The following CLIP1 variants were observed in gnomAD, a reference collection of about 807,000 sequenced individuals.
The protein encoded by CLIP1 is CAP-Gly domain-containing linker protein 1.
In CLIP1, 66 loss-of-function variants were observed where a neutral mutation model predicts 161.6. The observed-to-expected ratio is 0.41, with a 90% confidence interval of 0.33 to 0.50. CLIP1 has a LOEUF of 0.50. Ranked by LOEUF, CLIP1 falls within the 20% of genes least tolerant of loss-of-function variation. The pLI is 0.27. For missense variants in CLIP1, 1,376 were observed against 1,702.0 expected (o/e 0.81, Z 3.37); for synonymous variants, 598 against 626.2 (o/e 0.96, Z 0.67).
intron 9 of CLIP1, 104 bp downstream of exon 9, chr12:122,351,007 G>A: frequency 1.2e-6 from 1 of 819,124 alleles, no homozygotes; most frequent in South Asian, 1.8e-5. Context: ...AATGTCCCAA[G>A]GTCAGATTAT....
chr12:122,366,294 G>T (rs1375377645), intron 3 of CLIP1, among the ~76,000 whole-genome samples: 1 of 140,614 alleles, frequency 7.1e-6, no homozygotes, highest in Non-Finnish European at 1.5e-5. Context: ...GCGACAGGGA[G>T]AGACTCTGTC....
intron 1 of CLIP1, among the ~76,000 whole-genome samples, chr12:122,397,971 AAAAG>A (rs1201443124): frequency 1.3e-5 from 2 of 151,390 alleles, no homozygotes; most frequent in Admixed American, 6.6e-5. Flanking sequence ...AAACAAAAAA[AAAAG>A]AAAATTAACT....
intron 17 of CLIP1, among the ~76,000 whole-genome samples, chr12:122,325,994 T>C (rs1009197709): frequency 5.9e-5 from 9 of 152,218 alleles, no homozygotes; most frequent in South Asian, 2.1e-4. Context: ...TGGTGGCTAC[T>C]ACATTAGGCA....
chr12:122,399,884 A>G (rs1365460038), intron 1 of CLIP1: 2 of 152,206 alleles, frequency 1.3e-5, no homozygotes, highest in African/African-American at 4.8e-5. Context: ...ACGTTCTGAG[A>G]GCAACGGAAA....
intron 7 of CLIP1, among the ~76,000 whole-genome samples, chr12:122,353,906 C>T (rs1023823406): frequency 1.3e-5 from 2 of 151,558 alleles, no homozygotes; most frequent in Non-Finnish European, 2.9e-5. Flanking sequence ...GCTGGGATTA[C>T]AGGCGTGAGT....
At chr12:122,415,442 A>T (rs1406101823) in intron 1 of CLIP1, among the ~76,000 whole-genome samples, 2 of 148,454 alleles carry the variant, frequency 1.3e-5, no homozygotes, top group African/African-American at 5.0e-5. Flanking sequence ...AGATGGCGCC[A>T]CTGCACTCCA....
Position 122,341,598 on chromosome 12 carries a change from T to G in CLIP1, c.1606A>C (p.Asn536His), listed in dbSNP as rs1426645969. 4 of 1,613,882 alleles carry G rather than the reference T, an allele frequency of 2.5e-6. No homozygotes were observed. In the East Asian group the frequency reaches 8.9e-5, roughly 36 times the overall value. ...ATGTCCACATCCCCAGCAGGCTTAT[T>G]GGACTCTAGCCTTCTTCGGAGCTCA... ...VAELRRRLES[N>H]KPAGDVDMSL... is the part of the protein sequence containing the mutation. The change falls in exon 11 of 26, where the codon AAT becomes CAT. Residue 536 changes from asparagine to histidine, a missense_variant. This residue lies in a region of CLIP1 where 948 missense variants were observed against 1,134.8 expected (regional missense o/e 0.84). Transcript: ENST00000620786.
At chr12:122,319,170 C>T in intron 18 of CLIP1, 62 bp downstream of exon 18, 1 of 1,157,662 alleles carries the variant, frequency 8.6e-7, no homozygotes, top group Non-Finnish European at 1.3e-6. Flanking sequence ...GAGTCAGTGA[C>T]CAAACATTCT....
At chr12:122,336,163 A>G (rs1952205891) in intron 12 of CLIP1, among the ~76,000 whole-genome samples, 1 of 152,214 alleles carries the variant, frequency 6.6e-6, no homozygotes, top group Non-Finnish European at 1.5e-5. Flanking sequence ...GAATAAACTG[A>G]GTTAGATTTA....
At chr12:122,329,106 C>A (rs1055998677) in intron 15 of CLIP1, among the ~76,000 whole-genome samples, 1 of 152,062 alleles carries the variant, frequency 6.6e-6, no homozygotes, top group Non-Finnish European at 1.5e-5. Flanking sequence ...GAGATGAGAT[C>A]ATTTAAGTTC....
rs779170505 is a variant in CLIP1, at chr12:122,354,576, C to T, written c.1204-20G>A. ...GACATGCTGGGGAAGGCAAGAATGT[C>T]GGTAAATGGACTATTTCTGACCCAG... On this transcript the variant is annotated intron_variant, in intron 6 of 25. Transcript: ENST00000620786. 104 of 1,590,468 alleles carry T rather than the reference C, an allele frequency of 6.5e-5. 1 individual carries two copies. The Middle Eastern group carries it at 6.7e-4, about 10-fold the overall frequency.
chr12:122,322,037 A>G (rs535362709), intron 17 of CLIP1: 5 of 152,664 alleles, frequency 3.3e-5, no homozygotes, highest in Admixed American at 6.5e-5. Flanking sequence ...ATGAAGAAAG[A>G]TGACCTACAC....
chr12:122,331,138 C>T (rs1951945736), intron 15 of CLIP1, among the ~76,000 whole-genome samples: 1 of 152,104 alleles, frequency 6.6e-6, no homozygotes, highest in African/African-American at 2.4e-5. Flanking sequence ...CCTCAGCCTC[C>T]TGAGTAGCTG....
intron 20 of CLIP1, among the ~76,000 whole-genome samples, chr12:122,309,492 A>T (rs1347592019): frequency 6.6e-6 from 1 of 152,232 alleles, no homozygotes; most frequent in East Asian, 1.9e-4. Context: ...ATGTTGAGCT[A>T]CAAGATTGTC....
intron 1 of CLIP1, among the ~76,000 whole-genome samples, chr12:122,402,236 C>T (rs1473702698): frequency 1.3e-5 from 2 of 152,034 alleles, no homozygotes; most frequent in African/African-American, 4.8e-5. Flanking sequence ...GGGCTGGGCA[C>T]GGTGGCTCAT....
At chr12:122,373,674 G>A (rs151145944) in intron 3 of CLIP1, among the ~76,000 whole-genome samples, 18 of 152,204 alleles carry the variant, frequency 1.2e-4, no homozygotes, top group Admixed American at 9.8e-4. Context: ...GGGGAAAAAT[G>A]GGTGCAATCT....
Position 122,296,861 on chromosome 12 carries a change from C to CAAA in CLIP1, c.3595-8323_3595-8321dup, listed in dbSNP as rs56071033. On this transcript the variant is annotated intron_variant, in intron 20 of 25. Transcript: ENST00000620786. Reference sequence around the variant, plus strand: ...CCTGGGTGACAAAGTGAGACTACCTCAAAAAAAAAAAAAAAAAAAAAACAT... The same window carrying CAAA: ...CCTGGGTGACAAAGTGAGACTACCTCAAAAAAAAAAAAAAAAAAAAAAAAACAT... Among the ~76,000 whole-genome samples the CAAA allele has an allele frequency of 1.9e-3, 111 of 57,938 alleles. 1 individual carries two copies. Among genetic ancestry groups the CAAA allele is most frequent in the African/African-American group, 2.2e-3 (47 of 21,436 alleles). The allele number at this position is 57,938 out of a possible 152,430, so 38.0% of individuals were successfully genotyped here.
At chr12:122,330,405 A>G (rs1315582679) in intron 15 of CLIP1, among the ~76,000 whole-genome samples, 1 of 152,138 alleles carries the variant, frequency 6.6e-6, no homozygotes, top group East Asian at 1.9e-4. Context: ...AGAACTTTGC[A>G]GGTATTAACA....
chr12:122,366,610 GCAGGCGGATCACTTGAGGC>G (rs1954184654), intron 3 of CLIP1, among the ~76,000 whole-genome samples: 1 of 152,208 alleles, frequency 6.6e-6, no homozygotes, highest in African/African-American at 2.4e-5. Context: ...GGAGGCCAAG[GCAGGCGGATCACTTGAGGC>G]CAGGAGTTCG....
Sources: gnomAD v4.1 joint callset for allele counts (sites outside exome capture counted in the v4.1 genomes callset) on GRCh38, gnomAD v4.1.1 for gene constraint, gnomAD v4.1.1 regional missense constraint, MANE v1.5 for transcripts, NCBI Gene and HGNC (gene_info 2026-07-23, HGNC 2026-07-21) for gene names.